MAGEA11: variants seen among roughly 807,000 people sequenced by gnomAD.
The protein encoded by MAGEA11 is MAGE family member A11, also known as melanoma-associated antigen 11.
A neutral mutation model predicts 8.4 loss-of-function variants in MAGEA11; 1 was observed. That is an observed-to-expected ratio of 0.12 (90% confidence interval 0.04 to 0.57). The LOEUF (loss-of-function observed/expected upper bound fraction) is 0.57. Ranked by LOEUF, MAGEA11 falls within the 20% of genes least tolerant of loss-of-function variation. The pLI is 0.91. For missense variants in MAGEA11, 209 were observed against 317.3 expected (o/e 0.66, Z 2.59); for synonymous variants, 127 against 119.3 (o/e 1.06, Z -0.42).
intron 1 of MAGEA11, among the ~76,000 whole-genome samples, chrX:149,698,398 C>G (rs2090338636): frequency 9.0e-6 from 1 of 110,531 alleles, no homozygotes; most frequent in African/African-American, 3.3e-5. Flanking sequence ...AATGCATTTT[C>G]CTTTAGTCTG....
intron 1 of MAGEA11, among the ~76,000 whole-genome samples, chrX:149,702,051 CA>C (rs1353188370): frequency 1.8e-5 from 2 of 111,860 alleles, no homozygotes; most frequent in African/African-American, 6.5e-5. Flanking sequence ...GTACTTTGTA[CA>C]ATCTCAATCC....
At chrX:149,714,290 A>G in intron 2 of MAGEA11, 191 bp from the exon 3 acceptor site, 2 of 567,034 alleles carry the variant, frequency 3.5e-6, no homozygotes, top group Non-Finnish European at 5.4e-6. Flanking sequence ...GTAAAGGGAT[A>G]TGTCTGCTCA....
At chrX:149,695,210 A>AT (rs782729527) in intron 1 of MAGEA11, among the ~76,000 whole-genome samples, 1 of 111,118 alleles carries the variant, frequency 9.0e-6, no homozygotes, top group Non-Finnish European at 1.9e-5. Context: ...AAATTGTCTC[A>AT]TTTTTTCTCT....
intron 1 of MAGEA11, among the ~76,000 whole-genome samples, chrX:149,696,212 A>G (rs1406927221): frequency 9.1e-6 from 1 of 110,085 alleles, no homozygotes; most frequent in African/African-American, 3.3e-5. Context: ...CCTCAGCATA[A>G]GCAAATTTAT....
At chrX:149,701,761 A>T (rs1339013126) in intron 1 of MAGEA11, among the ~76,000 whole-genome samples, 2 of 110,997 alleles carry the variant, frequency 1.8e-5, no homozygotes, top group Non-Finnish European at 3.8e-5. Context: ...TAAGGAAGGG[A>T]TCCAGTTTCA....
chrX:149,714,349 A>G, intron 2 of MAGEA11, 132 bp from the exon 3 acceptor site: 1 of 991,931 alleles, frequency 1.0e-6, no homozygotes, highest in South Asian at 2.7e-5. Flanking sequence ...AGAAGTAAAG[A>G]TGAAAAACCC....
At chrX:149,701,289 T>C (rs1314107640) in intron 1 of MAGEA11, among the ~76,000 whole-genome samples, 1 of 105,810 alleles carries the variant, frequency 9.5e-6, no homozygotes, top group Non-Finnish European at 2.0e-5. Context: ...CTCATTGTGG[T>C]TTTGATTTGC....
At chrX:149,691,542 G>C (rs146422877) in intron 1 of MAGEA11, among the ~76,000 whole-genome samples, 97 of 111,474 alleles carry the variant, frequency 8.7e-4, no homozygotes, top group African/African-American at 2.8e-3. Flanking sequence ...GCTCTTTTTA[G>C]GTGAGATCAG....
intron 2 of MAGEA11, chrX:149,713,730 G>T (rs1364179485): frequency 8.6e-6 from 1 of 116,614 alleles, no homozygotes; most frequent in Non-Finnish European, 1.8e-5. Context: ...ATCTCAGAGA[G>T]GTGGGGCCCT....
intron 1 of MAGEA11, among the ~76,000 whole-genome samples, chrX:149,694,635 C>T (rs2124279338): frequency 8.9e-6 from 1 of 112,530 alleles, no homozygotes; most frequent in Non-Finnish European, 1.9e-5. Context: ...CAAAACACTC[C>T]AGCCTTCAAC....
intron 1 of MAGEA11, among the ~76,000 whole-genome samples, chrX:149,702,651 G>A (rs781957882): frequency 1.8e-5 from 2 of 111,044 alleles, no homozygotes; most frequent in Admixed American, 9.6e-5. Context: ...GACTTTAATC[G>A]AGGTGATTAA....
In MAGEA11 at chrX:149,715,794, C is replaced by A; in HGVS notation, c.308C>A (p.Pro103His). The change falls in exon 5 of 5, where the codon CCT (proline) becomes CAT (histidine). Residue 103 changes from proline (P) to histidine (H), a missense_variant. Around this residue, in one of 2 missense-constraint regions of MAGEA11, gnomAD observed 131 missense variants for 138.5 expected, o/e 0.95. Coordinates refer to ENST00000355220, the MANE Select transcript of MAGEA11 (RefSeq NM_005366.5). ...ACCCAGATATTTCCCACAGTTCGGC[C>A]TGCTGACCTAACCAGAGTCATCATG... The part of the protein sequence containing the change: ...PITQIFPTVR[P>H]ADLTRVIMPL... The A allele has an allele frequency of 3.3e-6, 4 of 1,205,445 alleles. No individual in the cohort carries two copies. The highest frequency in any genetic ancestry group is 4.5e-6 in the Non-Finnish European group (4 of 892,698).
intron 1 of MAGEA11, among the ~76,000 whole-genome samples, chrX:149,701,575 A>T (rs1178303981): frequency 2.8e-5 from 3 of 109,071 alleles, no homozygotes; most frequent in Admixed American, 2.0e-4. Flanking sequence ...GTTTAATTAG[A>T]TCCCATTTGT....
chrX:149,708,411 C>T (rs1040827110), upstream of MAGEA11, among the ~76,000 whole-genome samples: 2 of 111,569 alleles, frequency 1.8e-5, no homozygotes, highest in Admixed American at 9.5e-5. Flanking sequence ...AAGTTGCACA[C>T]GTACCCCCTG....
chrX:149,714,036 C>T (rs1461375360), intron 2 of MAGEA11: 2 of 115,542 alleles, frequency 1.7e-5, no homozygotes, highest in African/African-American at 6.5e-5. Context: ...GATGACAGGT[C>T]AGCAGGTGGA....
intron 1 of MAGEA11, among the ~76,000 whole-genome samples, chrX:149,689,139 C>T (rs1282732674): frequency 8.9e-6 from 1 of 112,142 alleles, no homozygotes; most frequent in African/African-American, 3.2e-5. Flanking sequence ...CTTGTCACAA[C>T]AGAGAACCTG....
chrX:149,702,234 T>A (rs1025232070), intron 1 of MAGEA11, among the ~76,000 whole-genome samples: 34 of 111,799 alleles, frequency 3.0e-4, no homozygotes, highest in Non-Finnish European at 5.6e-4. Context: ...CATGGCGACC[T>A]TCTATCTTGT....
At chrX:149,713,103 A>G in intron 1 of MAGEA11, 40 bp from the exon 2 acceptor site, 1 of 917,758 alleles carries the variant, frequency 1.1e-6, no homozygotes, top group Non-Finnish European at 1.6e-6. Flanking sequence ...GCCCCCCCCC[A>G]TAGTCCCGCC....
chrX:149,710,089 CGT>C (rs1412560307), upstream of MAGEA11, among the ~76,000 whole-genome samples: 29 of 111,758 alleles, frequency 2.6e-4, no homozygotes, highest in Middle Eastern at 4.7e-3. Flanking sequence ...GAATAAGAGA[CGT>C]GTGAAAAATA....
Sources: allele counts gnomAD v4.1 joint callset (sites outside exome capture counted in the v4.1 genomes callset), GRCh38; gene constraint gnomAD v4.1.1; regional missense constraint gnomAD v4.1.1; transcripts MANE v1.5; gene names NCBI Gene and HGNC (gene_info 2026-07-23, HGNC 2026-07-21).